Variants in C5orf15 observed in about 807,000 individuals in gnomAD.
C5orf15 encodes the protein chromosome 5 open reading frame 15.
A neutral mutation model predicts 17.8 loss-of-function variants in C5orf15; 10 were observed. The observed-to-expected ratio is 0.56, with a 90% CI of 0.35 to 0.95. The LOEUF is 0.95. Among genes scored for constraint, C5orf15 ranks in the 40% least tolerant of loss-of-function variants. The probability of loss-of-function intolerance (pLI) is 0.02; values close to 1 mark genes in which losing one functional copy is unlikely to be tolerated. For synonymous variants in C5orf15, 124 were observed against 131.0 expected, an observed-to-expected ratio of 0.95 and a Z score of 0.36; for missense variants, 319 against 331.7, an observed-to-expected ratio of 0.96 and a Z score of 0.30.
intron 1 of C5orf15, 136 bp from the exon 2 acceptor site, chr5:133,960,156 G>A: frequency 1.5e-6 from 1 of 671,378 alleles, no homozygotes; most frequent in African/African-American, 1.8e-5. Flanking sequence ...TAGTTATTAA[G>A]TCTCAATAGC....
At chr5:133,962,912 T>C (rs113491120) in intron 1 of C5orf15, among the ~76,000 whole-genome samples, 1,731 of 152,294 alleles carry the variant, frequency 0.011, 14 homozygotes, top group Non-Finnish European at 0.02. Context: ...TAATTGCTTA[T>C]AATCACTCTC....
In C5orf15 at chr5:133,959,566, A is replaced by T. The variant is rs1269085028; in HGVS notation, c.594T>A (p.His198Gln). Reference sequence around the variant, plus strand: ...CAAAAATAATAAGATGAAAAAAGAAATGGCTGTCTTCCTCTTCTATATTTG... The same window carrying T: ...CAAAAATAATAAGATGAAAAAAGAATTGGCTGTCTTCCTCTTCTATATTTG... ...PSSNIEEEDS[H>Q]FFFHLIIFAF... The change falls in exon 2 of 3, where the codon CAT becomes CAA. Residue 198 changes from histidine (H) to glutamine (Q), a missense_variant. Transcript: ENST00000231512. The T allele has an allele frequency of 1.3e-5, 21 of 1,605,634 alleles. No individual in the cohort carries two copies. The Admixed American group carries it at 3.6e-4, about 28-fold the overall frequency.
intron 1 of C5orf15, among the ~76,000 whole-genome samples, chr5:133,961,711 G>A (rs1006248003): frequency 6.6e-6 from 1 of 151,504 alleles, no homozygotes; most frequent in African/African-American, 2.4e-5. Context: ...TGGGACCACA[G>A]GCACATGCTA....
chr5:133,965,449 C>T (rs1752178370), intron 1 of C5orf15, among the ~76,000 whole-genome samples: 1 of 152,196 alleles, frequency 6.6e-6, no homozygotes, highest in Non-Finnish European at 1.5e-5. Flanking sequence ...AGGCTATCAA[C>T]TTACTCAAAC....
In C5orf15 at chr5:133,968,515, G is replaced by C. The variant is rs773938269; in HGVS notation, c.70C>G (p.Gln24Glu). The C allele has an allele frequency of 4.5e-5, 73 of 1,607,600 alleles. No homozygotes were observed. In the Admixed American group the frequency reaches 1.0e-3, roughly 23 times the overall value. Residue 24 changes from glutamine (Q) to glutamate (E), a missense_variant, in exon 1 of 3, where the codon CAA (glutamine) becomes GAA (glutamate). Coordinates refer to ENST00000231512, the MANE Select transcript of C5orf15 (RefSeq NM_020199.3). Reference sequence around the variant, plus strand: ...GGCCGCGCCAACCCCACAAGGGCTTGGATGGCCGACCCGGGCAGCAGTTTC... The same window carrying C: ...GGCCGCGCCAACCCCACAAGGGCTTCGATGGCCGACCCGGGCAGCAGTTTC... ...QAKLLPGSAI[Q>E]ALVGLARPLV...
intron 1 of C5orf15, among the ~76,000 whole-genome samples, chr5:133,961,232 T>TAAAAAAAAAAAAAA (rs56684565): frequency 1.3e-4 from 4 of 30,440 alleles, no homozygotes; most frequent in Non-Finnish European, 2.3e-4. Flanking sequence ...AGTCAGTTAG[T>TAAAAAAAAAAAAAA]AAAAAAAAAA....
At chr5:133,962,275 G>A (rs531251323) in intron 1 of C5orf15, among the ~76,000 whole-genome samples, 35 of 152,276 alleles carry the variant, frequency 2.3e-4, no homozygotes, top group African/African-American at 8.2e-4. Flanking sequence ...ACAGTCATCA[G>A]CAAATCCCTT....
At chr5:133,961,232 TAAAAA>T (rs56684565) in intron 1 of C5orf15, among the ~76,000 whole-genome samples, 42 of 30,430 alleles carry the variant, frequency 1.4e-3, no homozygotes, top group African/African-American at 4.7e-3. Context: ...AGTCAGTTAG[TAAAAA>T]AAAAAAAAAA....
At chr5:133,961,264 G>T (rs1242998110) in intron 1 of C5orf15, among the ~76,000 whole-genome samples, 1 of 53,244 alleles carries the variant, frequency 1.9e-5, no homozygotes, top group African/African-American at 6.6e-5. Context: ...AAAAAAAAAA[G>T]GCCAGGCCCT....
intron 2 of C5orf15, 116 bp downstream of exon 2, chr5:133,959,378 A>G: frequency 1.5e-6 from 1 of 683,934 alleles, no homozygotes; most frequent in Non-Finnish European, 2.2e-6. Flanking sequence ...TGGTTGACAG[A>G]GTGAAACCCA....
At chr5:133,968,341 C>T (rs1389556389) in intron 1 of C5orf15, 105 bp downstream of exon 1, 18 of 1,459,062 alleles carry the variant, frequency 1.2e-5, no homozygotes, top group Non-Finnish European at 1.6e-5. Context: ...ACACCGCCGT[C>T]TGCTCCTGAC....
chr5:133,959,726 T>C lies in C5orf15; in HGVS notation c.434A>G (p.Asn145Ser), dbSNP rs1302943738. The part of the protein sequence containing the change: ...SPSTAKDTLD[N>S]GDYGEPDYDW... ...ATAGTCTGGTTCTCCATAATCGCCA[T>C]TGTCTAGAGTGTCTTTGGCTGTGGA... The change falls in exon 2 of 3, where the codon AAT (asparagine) becomes AGT (serine). Residue 145 changes from asparagine to serine, a missense_variant. Around this residue, in one of 3 missense-constraint regions of C5orf15, gnomAD observed 175 missense variants for 192.4 expected, o/e 0.91. Transcript: ENST00000231512. The C allele has an allele frequency of 6.2e-7, 1 of 1,614,006 alleles. No individual in the cohort carries two copies. Among genetic ancestry groups the C allele is most frequent in the Non-Finnish European group, 8.5e-7 (1 of 1,179,940 alleles).
intron 2 of C5orf15, among the ~76,000 whole-genome samples, chr5:133,958,642 A>G (rs1752073163): frequency 6.6e-6 from 1 of 151,032 alleles, no homozygotes; most frequent in Non-Finnish European, 1.5e-5. Context: ...CATTACATAC[A>G]CCTATATGTA....
chr5:133,966,404 G>A (rs1004455278), intron 1 of C5orf15, among the ~76,000 whole-genome samples: 1 of 152,038 alleles, frequency 6.6e-6, no homozygotes, highest in Admixed American at 6.5e-5. Context: ...AAGTTTAGGT[G>A]ATCATTTGGG....
chr5:133,968,413 C>A (rs1443269746), intron 1 of C5orf15, 33 bp downstream of exon 1: 1 of 1,595,222 alleles, frequency 6.3e-7, no homozygotes. Flanking sequence ...GCCCTCCTAG[C>A]CTTCCTAAGC....
chr5:133,967,994 A>G (rs1280066432), intron 1 of C5orf15, among the ~76,000 whole-genome samples: 8 of 151,432 alleles, frequency 5.3e-5, no homozygotes, highest in African/African-American at 1.9e-4. Flanking sequence ...GAGTCCCCCA[A>G]ACTCAGGACC....
rs1752092941 is a variant in C5orf15 at position 133,959,821 on chromosome 5, T to C, written c.339A>G (p.Gln113=). The change falls in exon 2 of 3, where the codon CAA becomes CAG. Residue 113 remains glutamine, a synonymous_variant. Coordinates refer to ENST00000231512, the MANE Select transcript of C5orf15 (RefSeq NM_020199.3). ...VPHPSPTPLS[Q]EEADNNEDPS... ...GATCTTCATTGTTATCAGCTTCCTC[T>C]TGAGACAGAGGAGTAGGCGAGGGAT... 6.2e-7 allele frequency: 1 copy of C among 1,613,986 alleles called. No homozygotes were observed. The highest frequency in any genetic ancestry group is 8.5e-7 in the Non-Finnish European group (1 of 1,180,020).
Position 133,968,602 on chromosome 5 carries a change from G to A in C5orf15, c.-18C>T, listed in dbSNP as rs201906405. 43 of 1,596,098 alleles carry A rather than the reference G, an allele frequency of 2.7e-5. No individual in the cohort carries two copies. The East Asian group carries it at 4.5e-4, about 17-fold the overall frequency. ...GCGGCCATAACGGACTCGGCTGGGA[G>A]CCTGCGCTGTTGCTAGGCTCTACGC... On this transcript the variant is annotated 5_prime_UTR_variant, in exon 1 of 3. Transcript: ENST00000231512.
Position 133,956,735 on chromosome 5 carries a change from C to T in C5orf15, c.*124G>A. ...CGTTTGTGACATTTAATTTCCAAAG[C>T]ACCAAGGCAAAAGAGAGACTCACCT... is the stretch of plus-strand genomic sequence containing the variant. On this transcript the variant is annotated 3_prime_UTR_variant, in exon 3 of 3. Coordinates refer to ENST00000231512, the MANE Select transcript of C5orf15 (RefSeq NM_020199.3). The T allele has an allele frequency of 1.1e-6, 1 of 945,178 alleles. No individual in the cohort carries two copies. The highest frequency in any genetic ancestry group is 1.5e-6 in the Non-Finnish European group (1 of 673,488). The allele number at this position is 945,178 out of a possible 1,614,324, so 58.5% of individuals were successfully genotyped here.
Sources: gnomAD v4.1 joint callset for allele counts (sites outside exome capture counted in the v4.1 genomes callset) on GRCh38, gnomAD v4.1.1 for gene constraint, gnomAD v4.1.1 regional missense constraint, MANE v1.5 for transcripts, NCBI Gene and HGNC (gene_info 2026-07-23, HGNC 2026-07-21) for gene names.